The following TENM3 variants were observed in gnomAD, a reference collection of about 807,000 sequenced individuals.
TENM3 encodes the protein teneurin-3.
TENM3 carries 63 observed loss-of-function variants against 255.1 expected under a neutral mutation model. That is an observed-to-expected ratio of 0.25 (90% confidence interval 0.20 to 0.30). The LOEUF (loss-of-function observed/expected upper bound fraction) is 0.30, where lower values mean the gene tolerates loss of function less well. TENM3 is among the 10% of genes least tolerant of loss of function. TENM3 has a pLI of 1.00. For missense variants in TENM3, 2,929 were observed against 3,461.1 expected, an observed-to-expected ratio of 0.85 and a Z score of 3.86; for synonymous variants, 1,306 against 1,322.3, an observed-to-expected ratio of 0.99 and a Z score of 0.27.
the TENM3 span, among the ~76,000 whole-genome samples, chr4:181,775,669 A>G: frequency 1.3e-5 from 2 of 152,246 alleles, no homozygotes; most frequent in Non-Finnish European, 2.9e-5. Context: ...TGAACCACCA[A>G]TAAATCCTGG....
intron 3 of TENM3, among the ~76,000 whole-genome samples, chr4:182,593,850 T>A (rs919155202): frequency 3.9e-5 from 6 of 152,294 alleles, no homozygotes; most frequent in African/African-American, 1.2e-4. Context: ...CCAGTTTTCC[T>A]GTCTCAAAGT....
At chr4:182,595,637 A>G (rs1419749037) in intron 3 of TENM3, among the ~76,000 whole-genome samples, 1 of 152,238 alleles carries the variant, frequency 6.6e-6, no homozygotes, top group African/African-American at 2.4e-5. Flanking sequence ...GATAAAGGAA[A>G]GGCACGTGGA....
At chr4:182,044,233 C>CA in the TENM3 span, among the ~76,000 whole-genome samples, 4 of 151,372 alleles carry the variant, frequency 2.6e-5, no homozygotes, top group South Asian at 2.1e-4. Context: ...TGGAAAAGCA[C>CA]AAAAAAAGAA....
chr4:181,582,669 CAA>C, the TENM3 span, among the ~76,000 whole-genome samples: 2,738 of 124,718 alleles, frequency 0.022, 27 homozygotes, highest in Middle Eastern at 0.032. Flanking sequence ...CAAAACAAAT[CAA>C]AAAAAAAAAA....
chr4:182,055,349 C>CAATAAATAAATAAATAAATAAATA, the TENM3 span, among the ~76,000 whole-genome samples: 63 of 148,896 alleles, frequency 4.2e-4, no homozygotes, highest in African/African-American at 1.5e-3. Context: ...TGTCTCAAAA[C>CAATAAATAAATAAATAAATAAATA]AATAAATAAA....
At chr4:181,556,572 T>C in the TENM3 span, among the ~76,000 whole-genome samples, 2 of 152,176 alleles carry the variant, frequency 1.3e-5, no homozygotes, top group East Asian at 3.8e-4. Context: ...TTTTTTCTAT[T>C]ACAACTAGTT....
At chr4:182,681,503 G>A (rs1455187776) in intron 10 of TENM3, among the ~76,000 whole-genome samples, 1 of 152,078 alleles carries the variant, frequency 6.6e-6, no homozygotes, top group African/African-American at 2.4e-5. Context: ...TATAGAGAAG[G>A]CAATACTTAT....
the TENM3 span, among the ~76,000 whole-genome samples, chr4:181,816,958 A>G: frequency 3.9e-5 from 6 of 152,320 alleles, no homozygotes; most frequent in South Asian, 1.2e-3. Context: ...ATAGTTTCTC[A>G]TTTTATAGAT....
chr4:181,656,404 A>G, the TENM3 span, among the ~76,000 whole-genome samples: 1 of 152,222 alleles, frequency 6.6e-6, no homozygotes, highest in Non-Finnish European at 1.5e-5. Flanking sequence ...ATTGTAAATA[A>G]AGGATTAGAA....
the TENM3 span, among the ~76,000 whole-genome samples, chr4:182,111,178 A>G: frequency 1.4e-5 from 2 of 140,822 alleles, no homozygotes; most frequent in Non-Finnish European, 3.0e-5. Flanking sequence ...CGGATATACA[A>G]GTCTTCTTCT....
intron 1 of TENM3, among the ~76,000 whole-genome samples, chr4:182,298,700 T>C (rs1477351726): frequency 6.6e-6 from 1 of 151,964 alleles, no homozygotes; most frequent in Non-Finnish European, 1.5e-5. Context: ...GGATCGGGCA[T>C]GGTGGCTTAT....
At chr4:182,135,607 G>A in the TENM3 span, among the ~76,000 whole-genome samples, 3 of 152,324 alleles carry the variant, frequency 2.0e-5, no homozygotes, top group East Asian at 5.8e-4. Flanking sequence ...AGTTGTCTAT[G>A]TCCATTTCAA....
chr4:182,089,781 G>A, the TENM3 span, among the ~76,000 whole-genome samples: 1 of 152,082 alleles, frequency 6.6e-6, no homozygotes, highest in Non-Finnish European at 1.5e-5. Flanking sequence ...TTGCATATGA[G>A]ATTCTATTTT....
At chr4:182,114,639 C>T in the TENM3 span, among the ~76,000 whole-genome samples, 9 of 152,002 alleles carry the variant, frequency 5.9e-5, no homozygotes. Flanking sequence ...TAAACATCTT[C>T]TGTTAAGGAA....
the TENM3 span, among the ~76,000 whole-genome samples, chr4:181,752,742 A>G: frequency 3.3e-5 from 5 of 152,252 alleles, no homozygotes; most frequent in African/African-American, 1.2e-4. Flanking sequence ...GAAAAAGTCA[A>G]GTCAGCAGTT....
the TENM3 span, among the ~76,000 whole-genome samples, chr4:181,742,240 G>T: frequency 6.6e-6 from 1 of 151,998 alleles, no homozygotes; most frequent in African/African-American, 2.4e-5. Flanking sequence ...TATAATTTGT[G>T]TTGTTATAAT....
At chr4:182,371,526 T>C (rs534246539) in intron 3 of TENM3, among the ~76,000 whole-genome samples, 1 of 152,310 alleles carries the variant, frequency 6.6e-6, no homozygotes, top group African/African-American at 2.4e-5. Context: ...TACCTTTCTC[T>C]TCTCCTACTT....
intron 3 of TENM3, among the ~76,000 whole-genome samples, chr4:182,540,082 A>G (rs10001228): frequency 0.011 from 1,667 of 152,376 alleles, 28 homozygotes; most frequent in African/African-American, 0.038. Context: ...AGAAAACGGT[A>G]AATCTAAGAT....
At chr4:181,774,140 A>G in the TENM3 span, among the ~76,000 whole-genome samples, 1 of 93,742 alleles carries the variant, frequency 1.1e-5, no homozygotes, top group Non-Finnish European at 2.0e-5. Context: ...AGCATTAGGT[A>G]TATCTCCCAA....
Sources: gnomAD v4.1 joint callset for allele counts (sites outside exome capture counted in the v4.1 genomes callset) on GRCh38, gnomAD v4.1.1 for gene constraint, MANE v1.5 for transcripts, NCBI Gene and HGNC (gene_info 2026-07-23, HGNC 2026-07-21) for gene names.